The following FHIT variants were observed in gnomAD, a reference collection of about 807,000 sequenced individuals.
FHIT encodes the protein bis(5'-adenosyl)-triphosphatase.
FHIT carries 19 observed loss-of-function variants against 17.9 expected under a neutral mutation model. The ratio of observed to expected loss-of-function variants is 1.06; its 90% CI spans 0.74 to 1.56. FHIT has a LOEUF of 1.56. Ranked by LOEUF, FHIT falls within the 40% of genes most tolerant of loss-of-function variation. The pLI is 0.00. For missense variants in FHIT, 248 were observed against 189.2 expected (o/e 1.31, Z -1.82); for synonymous variants, 81 against 69.7 (o/e 1.16, Z -0.81).
At chr3:61,006,261 G>A (rs573866180) in intron 3 of FHIT, among the ~76,000 whole-genome samples, 86 of 152,066 alleles carry the variant, frequency 5.7e-4, no homozygotes, top group Non-Finnish European at 7.8e-4. Context: ...ACATTAAGAT[G>A]CCAAAAGAAG....
rs566760489 is a variant in FHIT at position 60,924,441 on chromosome 3, C to A, written c.-110-102430G>T. The stretch of plus-strand genomic sequence containing the variant: ...GCAGCCTCTGCTGGTGAAACACAGG[C>A]AAACAGGGTCTAGAGTGGGCCTGCA... On this transcript the variant is annotated intron_variant, in intron 3 of 9. Transcript: ENST00000492590. Among the ~76,000 whole-genome samples, 157 of 152,262 alleles carry A rather than the reference C, an allele frequency of 1.0e-3. 2 individuals are homozygous for A. The highest frequency in any genetic ancestry group is 3.6e-3 in the African/African-American group (148 of 41,558).
At chr3:61,095,202 C>T (rs1391154237) in intron 2 of FHIT, among the ~76,000 whole-genome samples, 2 of 152,192 alleles carry the variant, frequency 1.3e-5, no homozygotes, top group Non-Finnish European at 2.9e-5. Context: ...AATTCTGAGA[C>T]ATGCCTTGTA....
At chr3:60,795,041 A>G (rs1700928801) in intron 4 of FHIT, among the ~76,000 whole-genome samples, 1 of 152,196 alleles carries the variant, frequency 6.6e-6, no homozygotes, top group African/African-American at 2.4e-5. Flanking sequence ...TATGACACAT[A>G]CACATATGCA....
intron 7 of FHIT, among the ~76,000 whole-genome samples, chr3:59,947,358 T>C (rs1451598032): frequency 1.3e-5 from 2 of 152,152 alleles, no homozygotes; most frequent in Non-Finnish European, 2.9e-5. Flanking sequence ...TTGGTGGTAA[T>C]GTCCCCTTTG....
At chr3:60,063,757 T>C (rs1702387752) in intron 5 of FHIT, among the ~76,000 whole-genome samples, 1 of 152,138 alleles carries the variant, frequency 6.6e-6, no homozygotes. Context: ...TACTTCCAAA[T>C]AGTATGCCAG....
chr3:60,226,669 C>G (rs916851494), intron 5 of FHIT, among the ~76,000 whole-genome samples: 3 of 151,900 alleles, frequency 2.0e-5, no homozygotes, highest in Non-Finnish European at 2.9e-5. Context: ...GGTTGTCTCT[C>G]GAGACTAGAT....
chr3:61,042,245 T>A (rs1199709308), intron 2 of FHIT, 146 bp from the exon 3 acceptor site: 1 of 152,224 alleles, frequency 6.6e-6, no homozygotes, highest in Non-Finnish European at 1.5e-5. Context: ...TTGGAGTCTA[T>A]AATGCTAAAG....
chr3:60,103,369 A>G (rs1199682992), intron 5 of FHIT, among the ~76,000 whole-genome samples: 1 of 152,206 alleles, frequency 6.6e-6, no homozygotes, highest in South Asian at 2.1e-4. Flanking sequence ...TTACACATAC[A>G]TGGGAATCTT....
chr3:60,618,645 T>G (rs188166854), intron 4 of FHIT, among the ~76,000 whole-genome samples: 1 of 152,344 alleles, frequency 6.6e-6, no homozygotes, highest in Admixed American at 6.5e-5. Context: ...GTCAACGTTT[T>G]AATTTGAAGA....
chr3:60,121,509 G>A (rs922152092), intron 5 of FHIT, among the ~76,000 whole-genome samples: 14 of 151,910 alleles, frequency 9.2e-5, no homozygotes, highest in Admixed American at 8.5e-4. Context: ...AACATGGTGA[G>A]ATCCCATCTC....
At chr3:60,912,407 G>A (rs1318109603) in intron 3 of FHIT, among the ~76,000 whole-genome samples, 1 of 152,100 alleles carries the variant, frequency 6.6e-6, no homozygotes, top group Non-Finnish European at 1.5e-5. Context: ...ACAAACTGAT[G>A]ACAGTTATCC....
rs1559718600 is a variant in FHIT, at chr3:59,906,989, C to A, written c.348+15357G>T. ...AAAGGAGTTCTCAGGGCAAGTGATT[C>A]TTTCTCAATTGAACTATTTAGTGTC... On this transcript the variant is annotated intron_variant, in intron 8 of 9. Transcript: ENST00000492590. Among the ~76,000 whole-genome samples, 10 of 152,320 alleles carry A rather than the reference C, an allele frequency of 6.6e-5. No homozygotes were observed. In the South Asian group the frequency reaches 1.9e-3, roughly 28 times the overall value.
At chr3:60,104,073 G>A (rs1019475195) in intron 5 of FHIT, among the ~76,000 whole-genome samples, 2 of 152,164 alleles carry the variant, frequency 1.3e-5, no homozygotes, top group African/African-American at 4.8e-5. Flanking sequence ...AGAAGAGTGA[G>A]GAAGGTAGAC....
chr3:60,309,762 G>A (rs1708856406), intron 5 of FHIT, among the ~76,000 whole-genome samples: 1 of 151,392 alleles, frequency 6.6e-6, no homozygotes, highest in Non-Finnish European at 1.5e-5. Flanking sequence ...TTTCAATATA[G>A]AACCATGTGG....
intron 4 of FHIT, among the ~76,000 whole-genome samples, chr3:60,604,340 G>A (rs1476632326): frequency 1.3e-5 from 2 of 152,146 alleles, no homozygotes; most frequent in Non-Finnish European, 2.9e-5. Context: ...GCTTCTGGTT[G>A]TCGTGGAAAT....
chr3:60,204,433 C>T (rs1192204079), intron 5 of FHIT, among the ~76,000 whole-genome samples: 1 of 129,008 alleles, frequency 7.8e-6, no homozygotes, highest in Non-Finnish European at 1.6e-5. Context: ...CCATGCCCAG[C>T]TAATATTCTG....
chr3:61,036,891 A>T (rs957469900), intron 3 of FHIT, among the ~76,000 whole-genome samples: 11 of 135,430 alleles, frequency 8.1e-5, no homozygotes, highest in African/African-American at 2.9e-4. Context: ...CTCAAAGATC[A>T]GTCTGCTTTG....
intron 4 of FHIT, among the ~76,000 whole-genome samples, chr3:60,748,629 C>A (rs139587928): frequency 0.049 from 7,446 of 152,146 alleles, 595 homozygotes; most frequent in African/African-American, 0.17. Flanking sequence ...CTGGCCAACA[C>A]AGGGAAAGCA....
intron 5 of FHIT, among the ~76,000 whole-genome samples, chr3:60,257,853 A>G (rs1368328145): frequency 1.3e-5 from 2 of 152,120 alleles, no homozygotes; most frequent in South Asian, 2.1e-4. Flanking sequence ...ATGAGAACAA[A>G]TAGACACATG....
Sources: gnomAD v4.1 joint callset for allele counts (sites outside exome capture counted in the v4.1 genomes callset) on GRCh38, gnomAD v4.1.1 for gene constraint, MANE v1.5 for transcripts, NCBI Gene and HGNC (gene_info 2026-07-23, HGNC 2026-07-21) for gene names.